Variants in HFM1 observed in about 807,000 individuals in gnomAD.
HFM1 encodes the protein helicase for meiosis 1.
A neutral mutation model predicts 192.1 loss-of-function variants in HFM1; 169 were observed. The ratio of observed to expected loss-of-function variants is 0.88; its 90% CI spans 0.78 to 1.00. The LOEUF is 1.00. HFM1 is among the 50% of genes least tolerant of loss of function. The pLI is 0.00. For missense variants in HFM1, 1,661 were observed against 1,668.0 expected, an observed-to-expected ratio of 1.00 and a Z score of 0.07; for synonymous variants, 525 against 537.8, an observed-to-expected ratio of 0.98 and a Z score of 0.33.
At position 91,378,086 on chromosome 1, in the gene HFM1, G is replaced by A; in HGVS notation, c.1334C>T (p.Thr445Ile). 4 of 1,611,366 alleles carry A rather than the reference G, an allele frequency of 2.5e-6. No homozygotes were observed. The highest frequency in any genetic ancestry group is 1.3e-5 in the African/African-American group (1 of 74,916). The part of the protein sequence containing the change: ...VQSVSQTLKN[T>I]STAIPMRFVA... ...AAATCGCATTGGAATAGCAGTGCTG[G>A]TATTTTTTAAAGTCTGAGAAACAGA... Residue 445 changes from threonine (T) to isoleucine (I), a missense_variant, in exon 11 of 39, where the codon ACC becomes ATC. Transcript: ENST00000370425.
At chr1:91,339,665 A>C (rs1273428421) in intron 20 of HFM1, among the ~76,000 whole-genome samples, 1 of 152,174 alleles carries the variant, frequency 6.6e-6, no homozygotes, top group Non-Finnish European at 1.5e-5. Context: ...CCAAAATTTA[A>C]AACTCATTGG....
In HFM1 at chr1:91,385,597, A is replaced by T. The variant is rs764845210; in HGVS notation, c.732T>A (p.Ala244=). ...GMFKAPSFSV[A]FQPHDIQEVT... is the part of the protein sequence containing the mutation. ...TACCTTGAATATCATGAGGTTGGAAAGCAACTGAAAAAGATGGTGCTTTGA... is the reference window on the plus strand; with the variant it reads ...TACCTTGAATATCATGAGGTTGGAATGCAACTGAAAAAGATGGTGCTTTGA... Residue 244 remains alanine, a synonymous_variant, in exon 5 of 39, where the codon GCT becomes GCA. Transcript: ENST00000370425. 3.7e-6 allele frequency: 6 copies of T among 1,612,660 alleles called. No individual in the cohort carries two copies. The East Asian group carries it at 1.3e-4, about 36-fold the overall frequency.
intron 13 of HFM1, among the ~76,000 whole-genome samples, chr1:91,371,129 G>A (rs1660129711): frequency 6.6e-6 from 1 of 151,884 alleles, no homozygotes; most frequent in East Asian, 1.9e-4. Context: ...ATGCTCATGG[G>A]TAGGAAGAAT....
At chr1:91,290,611 A>C (rs1174295851) in intron 30 of HFM1, among the ~76,000 whole-genome samples, 2 of 152,204 alleles carry the variant, frequency 1.3e-5, no homozygotes, top group East Asian at 1.9e-4. Context: ...AGGAGACTTT[A>C]ACACCCCACT....
intron 34 of HFM1, 89 bp from the exon 35 acceptor site, chr1:91,267,944 G>T: frequency 1.4e-6 from 1 of 713,030 alleles, no homozygotes; most frequent in Non-Finnish European, 2.4e-6. Context: ...CTGTTTGAGA[G>T]ACTTTCTCAT....
chr1:91,353,981 A>G (rs1657365930), intron 13 of HFM1, among the ~76,000 whole-genome samples: 1 of 151,634 alleles, frequency 6.6e-6, no homozygotes, highest in Non-Finnish European at 1.5e-5. Context: ...AAGGAACGCA[A>G]TAATTCTCCA....
At chr1:91,276,772 G>A (rs1461960688) in intron 31 of HFM1, 29 bp from the exon 32 acceptor site, 3 of 1,096,082 alleles carry the variant, frequency 2.7e-6, no homozygotes, top group Non-Finnish European at 3.9e-6. Context: ...GATTCTTTAG[G>A]TTAAACTTCA....
At chr1:91,297,201 A>G (rs1276774062) in intron 30 of HFM1, among the ~76,000 whole-genome samples, 1 of 152,150 alleles carries the variant, frequency 6.6e-6, no homozygotes, top group Non-Finnish European at 1.5e-5. Context: ...TTGCTAGCAC[A>G]GCAGTCTGAG....
intron 18 of HFM1, 121 bp from the exon 19 acceptor site, chr1:91,347,597 G>T: frequency 4.1e-6 from 2 of 488,920 alleles, no homozygotes; most frequent in South Asian, 5.1e-5. Flanking sequence ...AATCTCAGCT[G>T]ATTGAGTTCA....
At chr1:91,349,979 T>C (rs1656714268) in intron 18 of HFM1, among the ~76,000 whole-genome samples, 1 of 152,244 alleles carries the variant, frequency 6.6e-6, no homozygotes, top group Admixed American at 6.5e-5. Context: ...AGGCAAGAGA[T>C]AGGAATTGAA....
rs578127482 is a variant in HFM1 at position 91,267,134 on chromosome 1, A to G, written c.3883+611T>C. ...TGTCACATACTGGCCAAGGTTTTCA[A>G]TTCTCTGTTTTAGTGAAATAGAGTA... On this transcript the variant is annotated intron_variant, in intron 35 of 38. Transcript: ENST00000370425. 2.6e-5 allele frequency among the ~76,000 whole-genome samples: 4 copies of G among 152,204 alleles called. No individual in the cohort carries two copies. The South Asian group carries it at 6.2e-4, about 24-fold the overall frequency.
intron 6 of HFM1, among the ~76,000 whole-genome samples, chr1:91,382,312 C>A (rs1382711126): frequency 6.6e-6 from 1 of 152,080 alleles, no homozygotes; most frequent in African/African-American, 2.4e-5. Context: ...CCATAATAGT[C>A]ACCACTTTCT....
chr1:91,369,863 A>G (rs1294355973), intron 13 of HFM1, among the ~76,000 whole-genome samples: 1 of 152,192 alleles, frequency 6.6e-6, no homozygotes, highest in East Asian at 1.9e-4. Context: ...TAAAGAAGAA[A>G]AGAGAGAAGA....
At chr1:91,365,599 C>T (rs1659192045) in intron 13 of HFM1, among the ~76,000 whole-genome samples, 1 of 151,836 alleles carries the variant, frequency 6.6e-6, no homozygotes, top group South Asian at 2.1e-4. Context: ...AGTTGGTAGG[C>T]TTGGTTCTTA....
At chr1:91,390,310 C>G (rs1161344964) in intron 4 of HFM1, among the ~76,000 whole-genome samples, 2 of 151,992 alleles carry the variant, frequency 1.3e-5, no homozygotes, top group Non-Finnish European at 2.9e-5. Flanking sequence ...GTGGCGCACG[C>G]CTGTAGTTCT....
At chr1:91,286,808 G>A (rs929734706) in intron 30 of HFM1, among the ~76,000 whole-genome samples, 39 of 152,188 alleles carry the variant, frequency 2.6e-4, no homozygotes, top group African/African-American at 4.1e-4. Flanking sequence ...GCAGTGCACC[G>A]TGCGCCAGCC....
At chr1:91,288,885 G>A (rs2100898212) in intron 30 of HFM1, among the ~76,000 whole-genome samples, 1 of 152,322 alleles carries the variant, frequency 6.6e-6, no homozygotes, top group South Asian at 2.1e-4. Context: ...TCAATGAGCT[G>A]TTGGGTACAC....
At position 91,298,764 on chromosome 1, in the gene HFM1, G is replaced by T. The variant is rs183778049; in HGVS notation, c.3391+14585C>A. On this transcript the variant is annotated intron_variant, in intron 30 of 38. Transcript: ENST00000370425. ...AGAGATTTTTGTCACCACCAGGCCTGCCCTAAAAGAGCTCCTGAAGGAAGC... is the reference window on the plus strand; with the variant it reads ...AGAGATTTTTGTCACCACCAGGCCTTCCCTAAAAGAGCTCCTGAAGGAAGC... Among the ~76,000 whole-genome samples, 404 of 152,270 alleles carry T rather than the reference G, an allele frequency of 2.7e-3. 4 individuals are homozygous for T. Among genetic ancestry groups the T allele is most frequent in the African/African-American group, 9.2e-3 (384 of 41,550 alleles).
intron 30 of HFM1, among the ~76,000 whole-genome samples, chr1:91,286,670 T>C (rs909824518): frequency 6.6e-5 from 10 of 152,184 alleles, no homozygotes; most frequent in African/African-American, 2.4e-4. Context: ...GATGGCCGAA[T>C]AGGAACATCT....
Sources: gnomAD v4.1 joint callset for allele counts (sites outside exome capture counted in the v4.1 genomes callset) on GRCh38, gnomAD v4.1.1 for gene constraint, MANE v1.5 for transcripts, NCBI Gene and HGNC (gene_info 2026-07-23, HGNC 2026-07-21) for gene names.